Variants in MIER1 observed in about 807,000 individuals in gnomAD.
The protein encoded by MIER1 is mesoderm induction early response protein 1.
Under a neutral mutation model 75.7 loss-of-function variants are expected in MIER1, and 40 were observed. That is an observed-to-expected ratio of 0.53 (90% CI 0.41 to 0.69). The LOEUF is 0.69. MIER1 is among the 30% of genes least tolerant of loss of function. MIER1 has a pLI of 0.00. For missense variants in MIER1, 574 were observed against 680.2 expected (o/e 0.84, Z 1.74); for synonymous variants, 213 against 223.4 (o/e 0.95, Z 0.42).
At position 66,978,967 on chromosome 1, in the gene MIER1, C is replaced by T. The variant is rs533276362; in HGVS notation, c.1229+2245C>T. Among the ~76,000 whole-genome samples the T allele has an allele frequency of 2.4e-4, 37 of 152,230 alleles. No individual in the cohort carries two copies. In the South Asian group the frequency reaches 5.2e-3, roughly 21 times the overall value. On this transcript the variant is annotated intron_variant, in intron 12 of 13. Transcript: ENST00000401041. ...GTTAAATATTCTTTAGGTAGAGTGG[C>T]CACAGTTAAAAATAAACAATATCTT...
chr1:66,972,778 G>T, intron 10 of MIER1, 119 bp from the exon 11 acceptor site: 1 of 597,738 alleles, frequency 1.7e-6, no homozygotes, highest in East Asian at 2.9e-5. Context: ...TAGTAATAGA[G>T]CTCAGGAGTA....
chr1:66,963,790 C>A (rs1174408857), intron 8 of MIER1, among the ~76,000 whole-genome samples: 1 of 151,948 alleles, frequency 6.6e-6, no homozygotes, highest in East Asian at 2.0e-4. Flanking sequence ...CACCTGTAAT[C>A]CCAGCTACTC....
intron 8 of MIER1, among the ~76,000 whole-genome samples, chr1:66,965,556 G>A (rs1662208990): frequency 6.6e-6 from 1 of 152,036 alleles, no homozygotes; most frequent in Non-Finnish European, 1.5e-5. Context: ...GGTGTATATA[G>A]TTCCGGGGTA....
At chr1:66,946,383 G>A (rs1394293878) in intron 4 of MIER1, 88 bp downstream of exon 4, 2 of 1,460,794 alleles carry the variant, frequency 1.4e-6, no homozygotes, top group Non-Finnish European at 1.8e-6. Context: ...CTGATTAGGA[G>A]AGAAATTGTG....
At chr1:66,926,888 C>A (rs1007768007) in intron 2 of MIER1, among the ~76,000 whole-genome samples, 1 of 151,796 alleles carries the variant, frequency 6.6e-6, no homozygotes, top group African/African-American at 2.4e-5. Context: ...TGAGAGGTAC[C>A]TTTTTGGATT....
intron 4 of MIER1, among the ~76,000 whole-genome samples, chr1:66,948,566 G>A (rs1158430625): frequency 6.6e-6 from 1 of 152,108 alleles, no homozygotes; most frequent in African/African-American, 2.4e-5. Flanking sequence ...GTGTATATTG[G>A]CTATCACAAA....
intron 2 of MIER1, among the ~76,000 whole-genome samples, chr1:66,937,643 A>G (rs2101184988): frequency 6.6e-6 from 1 of 152,292 alleles, no homozygotes; most frequent in Non-Finnish European, 1.5e-5. Flanking sequence ...TGGATGTACT[A>G]TTTTATTTCA....
intron 3 of MIER1, among the ~76,000 whole-genome samples, chr1:66,945,128 T>A (rs1031137946): frequency 1.1e-4 from 17 of 152,146 alleles, no homozygotes; most frequent in Non-Finnish European, 2.2e-4. Context: ...TTCACATGAC[T>A]ATACAGTCAT....
At position 66,987,618 on chromosome 1, in the gene MIER1, C is replaced by T. The variant is rs1666940955; in HGVS notation, c.*2718C>T. On this transcript the variant is annotated 3_prime_UTR_variant, in exon 14 of 14. Transcript: ENST00000401041. ...TGTAAAATAATTCCCTTCTCCCATT[C>T]CTTGTCTGCCATTCTGAATATGCTT... 1 of 152,536 alleles carries T rather than the reference C, an allele frequency of 6.6e-6. No individual in the cohort carries two copies. Among genetic ancestry groups the T allele is most frequent in the Non-Finnish European group, 1.5e-5 (1 of 67,986 alleles). The allele number at this position is 152,536 out of a possible 1,614,324, so 9.4% of individuals were successfully genotyped here. A position where few individuals can be genotyped will look rare whatever the true frequency, so the allele number is the denominator to read the frequency against.
Position 66,981,798 on chromosome 1 carries a change from C to T in MIER1, c.1249C>T (p.Leu417=), listed in dbSNP as rs751632290. Residue 417 remains leucine, a synonymous_variant, in exon 13 of 14, where the codon CTA becomes TTA. Coordinates refer to ENST00000401041, the MANE Select transcript of MIER1 (RefSeq NM_001077700.3). Reference sequence around the variant, plus strand: ...TTTAAGGGATTACATGGATCGTCTTCTAGACGAAAGTGAAAGTGCTGCATC... The same window carrying T: ...TTTAAGGGATTACATGGATCGTCTTTTAGACGAAAGTGAAAGTGCTGCATC... ...PGVTDYMDRL[L]DESESAASSR... 2 of 1,613,622 alleles carry T rather than the reference C, an allele frequency of 1.2e-6. No individual in the cohort carries two copies. Among genetic ancestry groups the T allele is most frequent in the Non-Finnish European group, 1.7e-6 (2 of 1,179,676 alleles).
intron 2 of MIER1, among the ~76,000 whole-genome samples, chr1:66,935,485 A>C (rs1261741928): frequency 6.6e-6 from 1 of 152,230 alleles, no homozygotes; most frequent in Non-Finnish European, 1.5e-5. Flanking sequence ...TACAGCTTAA[A>C]AAATAGTAAC....
chr1:66,968,023 T>TA (rs1662779006), intron 8 of MIER1, among the ~76,000 whole-genome samples: 7 of 152,184 alleles, frequency 4.6e-5, no homozygotes, highest in Admixed American at 3.3e-4. Context: ...TTTTTCATGG[T>TA]TTAAATTCTA....
At chr1:66,957,989 T>G in intron 4 of MIER1, 70 bp from the exon 5 acceptor site, 1 of 925,536 alleles carries the variant, frequency 1.1e-6, no homozygotes, top group Non-Finnish European at 1.6e-6. Flanking sequence ...CTCCACAGAT[T>G]TGTGGATTAT....
chr1:66,977,109 T>C (rs926943814), intron 12 of MIER1, among the ~76,000 whole-genome samples: 14 of 151,862 alleles, frequency 9.2e-5, no homozygotes, highest in African/African-American at 3.4e-4. Context: ...ACAGTTTTAA[T>C]CTTCTTTTTT....
At chr1:66,940,358 T>A (rs1234338613) in intron 3 of MIER1, 1 of 241,436 alleles carries the variant, frequency 4.1e-6, no homozygotes, top group South Asian at 1.7e-4. Context: ...ATATATAAAT[T>A]GTGCTTTTTA....
chr1:66,956,728 T>C (rs1660209280), intron 4 of MIER1, among the ~76,000 whole-genome samples: 1 of 152,240 alleles, frequency 6.6e-6, no homozygotes, highest in Non-Finnish European at 1.5e-5. Flanking sequence ...TTGGAATTGA[T>C]TTATCTTTCA....
In MIER1 at chr1:66,973,006, T is replaced by C. The variant is rs1377254322; in HGVS notation, c.1101+15T>C. On this transcript the variant is annotated intron_variant, in intron 11 of 13. Coordinates refer to ENST00000401041, the MANE Select transcript of MIER1 (RefSeq NM_001077700.3). ...AGGCTAATAAAGTAAGTAATGATAA[T>C]CTCTTTTTTGCAAAAAGAAATTTAG... 1.3e-6 allele frequency: 2 copies of C among 1,487,458 alleles called. No individual in the cohort carries two copies. Among genetic ancestry groups the C allele is most frequent in the African/African-American group, 1.4e-5 (1 of 72,340 alleles). 92.1% of individuals were successfully genotyped at this position (1,487,458 alleles called of 1,614,324 possible). A position where few individuals can be genotyped will look rare whatever the true frequency, so the allele number is the denominator to read the frequency against.
At chr1:66,930,277 G>T in intron 2 of MIER1, 6 of 1,531,244 alleles carry the variant, frequency 3.9e-6, no homozygotes, top group Non-Finnish European at 4.4e-6. Flanking sequence ...GGCAGTGGCG[G>T]CGGGAGCGGC....
At chr1:66,925,560 C>T in intron 1 of MIER1, 2 of 985,318 alleles carry the variant, frequency 2.0e-6, no homozygotes, top group Non-Finnish European at 2.4e-6. Context: ...GGCCAACTTG[C>T]CCTTTTCGGA....
Sources: allele counts gnomAD v4.1 joint callset (sites outside exome capture counted in the v4.1 genomes callset), GRCh38; gene constraint gnomAD v4.1.1; transcripts MANE v1.5; gene names NCBI Gene and HGNC (gene_info 2026-07-23, HGNC 2026-07-21).